PSMB7: variants seen among roughly 807,000 people sequenced by gnomAD.
PSMB7 encodes the protein proteasome 20S subunit beta 7, also known as proteasome subunit beta type-7.
In PSMB7, 5 loss-of-function variants were observed where a neutral mutation model predicts 28.1. That is an observed-to-expected ratio of 0.18 (90% CI 0.09 to 0.37). The LOEUF (loss-of-function observed/expected upper bound fraction) is 0.37. Ranked by LOEUF, PSMB7 falls within the 10% of genes least tolerant of loss-of-function variation. The probability of loss-of-function intolerance (pLI) is 1.00; values close to 1 mark genes in which losing one functional copy is unlikely to be tolerated. For missense variants in PSMB7, 275 were observed against 346.2 expected, an observed-to-expected ratio of 0.79 and a Z score of 1.63; for synonymous variants, 122 against 123.7, an observed-to-expected ratio of 0.99 and a Z score of 0.09.
chr9:124,386,115 G>A (rs897547868), intron 5 of PSMB7, among the ~76,000 whole-genome samples: 11 of 147,364 alleles, frequency 7.5e-5, no homozygotes, highest in Middle Eastern at 3.3e-3. Flanking sequence ...AAGGCAACCC[G>A]ATTTTCCCCT....
intron 7 of PSMB7, among the ~76,000 whole-genome samples, chr9:124,354,622 C>T (rs1052682827): frequency 1.3e-5 from 2 of 152,226 alleles, no homozygotes; most frequent in African/African-American, 4.8e-5. Flanking sequence ...GTCAGGAGCA[C>T]GGTCAGCCCA....
intron 6 of PSMB7, among the ~76,000 whole-genome samples, chr9:124,357,673 CT>C (rs1278323758): frequency 2.6e-5 from 4 of 152,232 alleles, no homozygotes; most frequent in African/African-American, 7.2e-5. Context: ...GGACTCATCC[CT>C]TTCTTATCCG....
rs542425563 is a variant in PSMB7, at chr9:124,407,407, G to C, written c.396-1975C>G. On this transcript the variant is annotated intron_variant, in intron 4 of 7. Coordinates refer to ENST00000259457, the MANE Select transcript of PSMB7 (RefSeq NM_002799.4). The stretch of plus-strand genomic sequence containing the variant: ...GAGCCCCAGACAAGGGAAGAAACTG[G>C]TCCAAGGCCCCACGTGTGAGCTAGC... Among the ~76,000 whole-genome samples, 39 of 152,232 alleles carry C rather than the reference G, an allele frequency of 2.6e-4. No individual in the cohort carries two copies. The South Asian group carries it at 3.5e-3, about 14-fold the overall frequency.
At chr9:124,396,957 C>A in intron 5 of PSMB7, 1 of 376,914 alleles carries the variant, frequency 2.7e-6, no homozygotes. Flanking sequence ...GTCAAAAAAT[C>A]TTGCCTAGCT....
chr9:124,382,341 G>A (rs1320326238), intron 6 of PSMB7, among the ~76,000 whole-genome samples: 2 of 121,256 alleles, frequency 1.6e-5, no homozygotes, highest in African/African-American at 6.1e-5. Flanking sequence ...CCGAGTAGCT[G>A]GGATTACAGG....
At chr9:124,391,766 A>G (rs1830789984) in intron 5 of PSMB7, among the ~76,000 whole-genome samples, 1 of 152,256 alleles carries the variant, frequency 6.6e-6, no homozygotes, top group African/African-American at 2.4e-5. Flanking sequence ...CGAACAATCC[A>G]ATTCAGGATG....
At chr9:124,415,245 G>A (rs1427694295) in intron 1 of PSMB7, 119 bp downstream of exon 1, 18 of 1,143,822 alleles carry the variant, frequency 1.6e-5, no homozygotes, top group Non-Finnish European at 2.2e-5. Context: ...ACTAGCCGCG[G>A]GCCACAGGCC....
chr9:124,406,904 T>C (rs1182768958), intron 4 of PSMB7, among the ~76,000 whole-genome samples: 3 of 152,102 alleles, frequency 2.0e-5, no homozygotes, highest in Non-Finnish European at 4.4e-5. Context: ...TGAGAATCGC[T>C]TGAACCTGGG....
chr9:124,372,834 G>A (rs1309449522), intron 6 of PSMB7, among the ~76,000 whole-genome samples: 2 of 152,182 alleles, frequency 1.3e-5, no homozygotes, highest in Admixed American at 6.5e-5. Flanking sequence ...GAAGACTAAC[G>A]AATCCTAGAG....
In PSMB7 at chr9:124,386,649, C is replaced by T. The variant is rs986117826; in HGVS notation, c.512-1993G>A. 3.9e-5 allele frequency among the ~76,000 whole-genome samples: 6 copies of T among 152,104 alleles called. 1 individual carries two copies. The South Asian group carries it at 1.2e-3, about 32-fold the overall frequency. On this transcript the variant is annotated intron_variant, in intron 5 of 7. Coordinates refer to ENST00000259457, the MANE Select transcript of PSMB7 (RefSeq NM_002799.4). ...GAACACAAGGGTAATCAACCAGAGG[C>T]CAGAAATAAACATTTAAAAAAGGAC...
intron 5 of PSMB7, among the ~76,000 whole-genome samples, chr9:124,394,872 G>A (rs1353950584): frequency 6.6e-6 from 1 of 152,120 alleles, no homozygotes; most frequent in Non-Finnish European, 1.5e-5. Flanking sequence ...TTGGTTCCCA[G>A]CTGTTTTATT....
chr9:124,412,751 T>C (rs1831042184), intron 3 of PSMB7, among the ~76,000 whole-genome samples: 1 of 152,218 alleles, frequency 6.6e-6, no homozygotes, highest in South Asian at 2.1e-4. Flanking sequence ...GTGTGTGCAT[T>C]CCATTAATGC....
intron 6 of PSMB7, among the ~76,000 whole-genome samples, chr9:124,374,796 T>C (rs1330316296): frequency 2.6e-5 from 4 of 151,928 alleles, no homozygotes; most frequent in Admixed American, 2.6e-4. Flanking sequence ...TGCACTCCAG[T>C]CTTAGCAACA....
chr9:124,363,750 A>C (rs757799775), intron 6 of PSMB7, among the ~76,000 whole-genome samples: 38 of 152,240 alleles, frequency 2.5e-4, no homozygotes, highest in Admixed American at 7.2e-4. Flanking sequence ...TAAAGGAAAA[A>C]CTTGCTGTGC....
At chr9:124,366,750 C>T (rs1830512173) in intron 6 of PSMB7, among the ~76,000 whole-genome samples, 1 of 152,246 alleles carries the variant, frequency 6.6e-6, no homozygotes, top group African/African-American at 2.4e-5. Context: ...TCATACTATA[C>T]ATTTACAGTA....
chr9:124,370,784 TAGA>T (rs1380337286), intron 6 of PSMB7, among the ~76,000 whole-genome samples: 3 of 152,208 alleles, frequency 2.0e-5, no homozygotes, highest in African/African-American at 7.2e-5. Flanking sequence ...TGCCCTGCAT[TAGA>T]AGGTTTACCA....
chr9:124,387,242 T>C (rs1017089549), intron 5 of PSMB7, among the ~76,000 whole-genome samples: 3 of 152,066 alleles, frequency 2.0e-5, no homozygotes, highest in Non-Finnish European at 4.4e-5. Flanking sequence ...CAAGACTCTG[T>C]CTCAAACAAA....
At chr9:124,387,625 A>G (rs1195527393) in intron 5 of PSMB7, among the ~76,000 whole-genome samples, 1 of 152,226 alleles carries the variant, frequency 6.6e-6, no homozygotes, top group Non-Finnish European at 1.5e-5. Context: ...AACATTAAAA[A>G]TAATTTCTAA....
intron 6 of PSMB7, among the ~76,000 whole-genome samples, chr9:124,357,486 G>A (rs1246842922): frequency 2.0e-5 from 3 of 152,142 alleles, no homozygotes; most frequent in East Asian, 1.9e-4. Flanking sequence ...AACACAAGCC[G>A]GTAGTTCTGG....
Sources: gnomAD v4.1 joint callset for allele counts (sites outside exome capture counted in the v4.1 genomes callset) on GRCh38, gnomAD v4.1.1 for gene constraint, MANE v1.5 for transcripts, NCBI Gene and HGNC (gene_info 2026-07-23, HGNC 2026-07-21) for gene names.